Variants in EIF4EBP1 observed in about 807,000 individuals in gnomAD.
EIF4EBP1 encodes the protein eukaryotic translation initiation factor 4E binding protein 1.
In EIF4EBP1, 5 loss-of-function variants were observed where a neutral mutation model predicts 9.2. The ratio of observed to expected loss-of-function variants is 0.54; its 90% CI spans 0.28 to 1.14. The LOEUF (loss-of-function observed/expected upper bound fraction) is 1.14, where lower values mean the gene tolerates loss of function less well. Ranked by LOEUF, EIF4EBP1 falls within the 50% of genes most tolerant of loss-of-function variation. The pLI, the probability that EIF4EBP1 is intolerant of heterozygous loss-of-function variation, is 0.09. For synonymous variants in EIF4EBP1, 62 were observed against 67.0 expected (o/e 0.93, Z 0.36); for missense variants, 139 against 169.6 (o/e 0.82, Z 1.00).
chr8:38,059,500 C>G (rs1334587035), intron 2 of EIF4EBP1, among the ~76,000 whole-genome samples: 1 of 151,946 alleles, frequency 6.6e-6, no homozygotes, highest in Non-Finnish European at 1.5e-5. Context: ...ACCTGTAATC[C>G]CAGCACTTTG....
chr8:38,049,853 A>G (rs1014175322), intron 1 of EIF4EBP1, among the ~76,000 whole-genome samples: 1 of 151,586 alleles, frequency 6.6e-6, no homozygotes, highest in Admixed American at 6.6e-5. Flanking sequence ...CCTGCCATCC[A>G]ATATTGGACC....
At chr8:38,049,529 C>T (rs1025499943) in intron 1 of EIF4EBP1, among the ~76,000 whole-genome samples, 3 of 150,916 alleles carry the variant, frequency 2.0e-5, no homozygotes, top group Non-Finnish European at 4.4e-5. Context: ...TCCCCCAGGC[C>T]GGAGTGCAGT....
chr8:38,030,609 C>G lies in EIF4EBP1; in HGVS notation c.36C>G (p.Ser12Arg). 6.6e-7 allele frequency: 1 copy of G among 1,512,780 alleles called. No individual in the cohort carries two copies. 93.7% of individuals were successfully genotyped at this position (1,512,780 alleles called of 1,614,324 possible). Residue 12 changes from serine (S) to arginine (R), a missense_variant, in exon 1 of 3, where the codon AGC (serine) becomes AGG (arginine). By Grantham distance (110) the Ser-to-Arg change is moderately radical (BLOSUM62 -1). Coordinates refer to ENST00000338825, the MANE Select transcript of EIF4EBP1 (RefSeq NM_004095.4). ...GCAGCAGCTGCAGCCAGACCCCAAG[C>G]CGGGCCATCCCCGCCACTCGCCGGG... ...SGGSSCSQTP[S>R]RAIPATRRVV...
At chr8:38,033,767 G>C (rs530333990) in intron 1 of EIF4EBP1, among the ~76,000 whole-genome samples, 104 of 90,746 alleles carry the variant, frequency 1.1e-3, no homozygotes, top group African/African-American at 4.0e-3. Flanking sequence ...TTTTTTTTGA[G>C]ATGGAGTTTC....
At chr8:38,047,765 A>G (rs1413971964) in intron 1 of EIF4EBP1, among the ~76,000 whole-genome samples, 3 of 152,224 alleles carry the variant, frequency 2.0e-5, no homozygotes, top group African/African-American at 4.8e-5. Flanking sequence ...GATTACAGGC[A>G]TGAGCCACTG....
chr8:38,050,557 T>C (rs1016015317), intron 1 of EIF4EBP1, among the ~76,000 whole-genome samples: 1 of 152,070 alleles, frequency 6.6e-6, no homozygotes. Flanking sequence ...ACCGTGTTGC[T>C]CAGGCTGGTC....
At chr8:38,050,159 G>A (rs957991383) in intron 1 of EIF4EBP1, among the ~76,000 whole-genome samples, 2 of 151,902 alleles carry the variant, frequency 1.3e-5, no homozygotes, top group African/African-American at 4.8e-5. Flanking sequence ...TGATCCACCC[G>A]CCTCAGCCTC....
intron 1 of EIF4EBP1, among the ~76,000 whole-genome samples, chr8:38,049,982 G>A (rs967202443): frequency 6.6e-6 from 1 of 151,780 alleles, no homozygotes; most frequent in African/African-American, 2.4e-5. Flanking sequence ...CACAATCTCG[G>A]CTCACTGCAG....
chr8:38,041,731 C>T (rs1414812648), intron 1 of EIF4EBP1, among the ~76,000 whole-genome samples: 2 of 152,222 alleles, frequency 1.3e-5, no homozygotes, highest in African/African-American at 4.8e-5. Flanking sequence ...TAGCTCATGC[C>T]TGTAATCCCA....
chr8:38,039,552 T>C (rs1449100604), intron 1 of EIF4EBP1, among the ~76,000 whole-genome samples: 1 of 151,702 alleles, frequency 6.6e-6, no homozygotes, highest in Non-Finnish European at 1.5e-5. Flanking sequence ...ATTATAGGCG[T>C]GTGCCACCAC....
intron 1 of EIF4EBP1, chr8:38,047,497 T>G (rs1019423503): frequency 1.4e-4 from 21 of 152,184 alleles, no homozygotes; most frequent in African/African-American, 4.6e-4. Flanking sequence ...TTTTTTTTTT[T>G]TTTTTGAGAC....
chr8:38,039,167 C>A (rs950858310), intron 1 of EIF4EBP1, among the ~76,000 whole-genome samples: 3 of 152,062 alleles, frequency 2.0e-5, no homozygotes, highest in Admixed American at 2.0e-4. Flanking sequence ...GTTGGGATTA[C>A]AGGCGTGAGC....
At position 38,056,971 on chromosome 8, in the gene EIF4EBP1, G is replaced by T. The variant is rs1295695176; in HGVS notation, c.146-110G>T. 4.1e-6 allele frequency: 5 copies of T among 1,232,194 alleles called. No individual in the cohort carries two copies. The East Asian group carries it at 7.2e-5, about 18-fold the overall frequency. The allele number at this position is 1,232,194 out of a possible 1,614,324, so 76.3% of individuals were successfully genotyped here. A position where few individuals can be genotyped will look rare whatever the true frequency, so the allele number is the denominator to read the frequency against. On this transcript the variant is annotated intron_variant, in intron 1 of 2. Coordinates refer to ENST00000338825, the MANE Select transcript of EIF4EBP1 (RefSeq NM_004095.4). The stretch of plus-strand genomic sequence containing the variant: ...AGCCACCGCACCCAGCCTCCTCTGG[G>T]TTTTTCAGGAGAATCTGCTGCCTCT...
Position 38,035,464 on chromosome 8 carries a change from C to A in EIF4EBP1, c.145+4746C>A, listed in dbSNP as rs987615950. ...AACTCCTGACCTCAGGTGATCCACC[C>A]GCCTCAGCTTCCCAAAGTGCTGGGA... On this transcript the variant is annotated intron_variant, in intron 1 of 2. Coordinates refer to ENST00000338825, the MANE Select transcript of EIF4EBP1 (RefSeq NM_004095.4). Among the ~76,000 whole-genome samples the A allele has an allele frequency of 4.0e-5, 6 of 151,674 alleles. No individual in the cohort carries two copies. In the South Asian group the frequency reaches 1.3e-3, roughly 32 times the overall value.
chr8:38,058,771 C>T (rs890500475), intron 2 of EIF4EBP1, among the ~76,000 whole-genome samples: 3 of 152,216 alleles, frequency 2.0e-5, no homozygotes, highest in Non-Finnish European at 4.4e-5. Flanking sequence ...AAAATAGGGG[C>T]TGTCCCTGGC....
Position 38,030,570 on chromosome 8 carries a change from G to C in EIF4EBP1, c.-4G>C. 6.6e-7 allele frequency: 1 copy of C among 1,514,690 alleles called. No individual in the cohort carries two copies. Among genetic ancestry groups the C allele is most frequent in the Non-Finnish European group, 8.8e-7 (1 of 1,137,958 alleles). The allele number at this position is 1,514,690 out of a possible 1,614,324, so 93.8% of individuals were successfully genotyped here. Reference sequence around the variant, plus strand: ...AGGTTCGCGGGTGCAGCGCACAGGAGACCATGTCCGGGGGCAGCAGCTGCA... The same window carrying C: ...AGGTTCGCGGGTGCAGCGCACAGGACACCATGTCCGGGGGCAGCAGCTGCA... On this transcript the variant is annotated 5_prime_UTR_variant, in exon 1 of 3. Transcript: ENST00000338825.
At chr8:38,041,639 G>C (rs1258937751) in intron 1 of EIF4EBP1, among the ~76,000 whole-genome samples, 1 of 152,152 alleles carries the variant, frequency 6.6e-6, no homozygotes, top group Non-Finnish European at 1.5e-5. Context: ...CTTCCTAAAG[G>C]TACTGACTCA....
At chr8:38,059,581 G>T (rs915886909) in intron 2 of EIF4EBP1, among the ~76,000 whole-genome samples, 2 of 151,764 alleles carry the variant, frequency 1.3e-5, no homozygotes, top group African/African-American at 4.8e-5. Flanking sequence ...GCAAAACCCC[G>T]GGTCTACTAA....
At chr8:38,050,664 G>T (rs1809508136) in intron 1 of EIF4EBP1, among the ~76,000 whole-genome samples, 1 of 151,900 alleles carries the variant, frequency 6.6e-6, no homozygotes, top group Non-Finnish European at 1.5e-5. Flanking sequence ...TCAGGCTACG[G>T]TGCAATGTCA....
Sources: gnomAD v4.1 joint callset for allele counts (sites outside exome capture counted in the v4.1 genomes callset) on GRCh38, gnomAD v4.1.1 for gene constraint, MANE v1.5 for transcripts, NCBI Gene and HGNC (gene_info 2026-07-23, HGNC 2026-07-21) for gene names.